COL4A2: variants seen among roughly 807,000 people sequenced by gnomAD.
COL4A2 encodes collagen type IV alpha 2 chain.
COL4A2 carries 99 observed loss-of-function variants against 200.2 expected under a neutral mutation model. The observed-to-expected ratio is 0.49, with a 90% confidence interval of 0.42 to 0.58. COL4A2 has a LOEUF of 0.58. Among genes scored for constraint, COL4A2 ranks in the 20% least tolerant of loss-of-function variants. The pLI is 0.00. For missense variants in COL4A2, 1,950 were observed against 2,314.1 expected (o/e 0.84, Z 3.23); for synonymous variants, 897 against 900.6 (o/e 1.00, Z 0.07).
intron 3 of COL4A2, among the ~76,000 whole-genome samples, chr13:110,339,446 C>A (rs1219009167): frequency 6.6e-6 from 1 of 152,102 alleles, no homozygotes; most frequent in Non-Finnish European, 1.5e-5. Context: ...GCTTCCCTGA[C>A]CTTGGAAGCC....
In COL4A2 at chr13:110,512,452, A is replaced by G; in HGVS notation, c.*261A>G. 1 of 566,882 alleles carries G rather than the reference A, an allele frequency of 1.8e-6. No individual in the cohort carries two copies. The highest frequency in any genetic ancestry group is 3.1e-6 in the Non-Finnish European group (1 of 326,680). The allele number at this position is 566,882 out of a possible 1,614,324, so 35.1% of individuals were successfully genotyped here. ...TCAGCCCTGCTAGACGCACCGCCTG[A>G]AGGCACAGCTAACCACTTCGCACAC... On this transcript the variant is annotated 3_prime_UTR_variant, in exon 48 of 48. Transcript: ENST00000360467.
At chr13:110,460,951 A>C (rs1367221006) in intron 22 of COL4A2, among the ~76,000 whole-genome samples, 1 of 152,236 alleles carries the variant, frequency 6.6e-6, no homozygotes, top group African/African-American at 2.4e-5. Context: ...GGAAACTCCC[A>C]ATTACTTTCA....
intron 4 of COL4A2, among the ~76,000 whole-genome samples, chr13:110,382,383 A>C (rs1177633584): frequency 6.6e-6 from 1 of 152,242 alleles, no homozygotes; most frequent in Non-Finnish European, 1.5e-5. Flanking sequence ...AACAATGTGC[A>C]CCCGTCTTCC....
At position 110,423,647 on chromosome 13, in the gene COL4A2, C is replaced by T. The variant is rs1880345935; in HGVS notation, c.181-1087C>T. 3.3e-5 allele frequency among the ~76,000 whole-genome samples: 5 copies of T among 152,130 alleles called. No homozygotes were observed. In the South Asian group the frequency reaches 1.0e-3, roughly 32 times the overall value. ...TTTCACGTTGTTGTGCAACCTTCAC[C>T]ACCAATCCATCTCCAGAACTTTCTC... On this transcript the variant is annotated intron_variant, in intron 4 of 47. Coordinates refer to ENST00000360467, the MANE Select transcript of COL4A2 (RefSeq NM_001846.4).
intron 39 of COL4A2, among the ~76,000 whole-genome samples, 189 bp from the exon 40 acceptor site, chr13:110,495,153 T>A (rs1449422087): frequency 6.6e-6 from 1 of 152,198 alleles, no homozygotes; most frequent in Non-Finnish European, 1.5e-5. Flanking sequence ...TCCACTGTGA[T>A]CTCTGTAAGA....
intron 16 of COL4A2, among the ~76,000 whole-genome samples, chr13:110,441,959 G>A (rs1249934441): frequency 6.6e-6 from 1 of 151,390 alleles, no homozygotes; most frequent in Non-Finnish European, 1.5e-5. Context: ...TGTGGTTCAT[G>A]CCTATAATTC....
rs1881803597 is a variant in COL4A2, at chr13:110,457,348, C to T, written c.1345C>T (p.Leu449=). The change falls in exon 21 of 48, where the codon CTG becomes TTG. Residue 449 remains leucine (L), a synonymous_variant. Coordinates refer to ENST00000360467, the MANE Select transcript of COL4A2 (RefSeq NM_001846.4). ...LPGPPGPDGF[L]FGLKGAKGRA... ...ATCTGTGGTTGTCTCTCTAGGCTTC[C>T]TGTTTGGGCTGAAAGGAGCAAAAGG... is the stretch of plus-strand genomic sequence containing the variant. 6.2e-7 allele frequency: 1 copy of T among 1,611,164 alleles called. No homozygotes were observed. Among genetic ancestry groups the T allele is most frequent in the Non-Finnish European group, 8.5e-7 (1 of 1,177,548 alleles).
chr13:110,467,605 C>G (rs1882295982), intron 27 of COL4A2, among the ~76,000 whole-genome samples: 1 of 152,262 alleles, frequency 6.6e-6, no homozygotes, highest in Admixed American at 6.5e-5. Context: ...GAGAAAGAGT[C>G]TGGGTGCCCT....
In COL4A2 at chr13:110,486,608, C is replaced by G. The variant is rs560563868; in HGVS notation, c.3207+772C>G. Among the ~76,000 whole-genome samples the G allele has an allele frequency of 8.5e-5, 13 of 152,270 alleles. No homozygotes were observed. The South Asian group carries it at 2.3e-3, about 27-fold the overall frequency. On this transcript the variant is annotated intron_variant, in intron 34 of 47. Coordinates refer to ENST00000360467, the MANE Select transcript of COL4A2 (RefSeq NM_001846.4). ...CCCCTTGATGTGTTTCAGTCGCGTC[C>G]GTGTGAAAAGACCACCAAACAGGCT...
intron 21 of COL4A2, chr13:110,457,993 C>T (rs148666785): frequency 6.2e-5 from 25 of 405,564 alleles, no homozygotes; most frequent in African/African-American, 1.4e-4. Context: ...AGCTCGAGGC[C>T]GTCCTCTGTG....
At chr13:110,445,789 C>G in intron 16 of COL4A2, 40 bp from the exon 17 acceptor site, 1 of 1,612,238 alleles carries the variant, frequency 6.2e-7, no homozygotes. Context: ...TGGAGTTATA[C>G]ATCAGAGACA....
chr13:110,501,314 A>G (rs559014494), intron 40 of COL4A2, among the ~76,000 whole-genome samples: 3 of 152,324 alleles, frequency 2.0e-5, no homozygotes, highest in South Asian at 4.1e-4. Context: ...GTCCACACAT[A>G]TCAGGATCAG....
At chr13:110,365,356 G>A (rs1310113786) in intron 4 of COL4A2, among the ~76,000 whole-genome samples, 1 of 152,142 alleles carries the variant, frequency 6.6e-6, no homozygotes, top group Non-Finnish European at 1.5e-5. Context: ...GGCCAGGATG[G>A]TCTCGAACTC....
chr13:110,430,298 G>T, intron 8 of COL4A2, 103 bp from the exon 9 acceptor site: 4 of 1,482,456 alleles, frequency 2.7e-6, no homozygotes, highest in South Asian at 2.6e-5. Context: ...TCCTGATAGG[G>T]CTGATCTGTT....
At chr13:110,341,216 C>T (rs1156847272) in intron 3 of COL4A2, among the ~76,000 whole-genome samples, 5 of 152,332 alleles carry the variant, frequency 3.3e-5, no homozygotes, top group Middle Eastern at 3.4e-3. Flanking sequence ...GTCATCGGGA[C>T]GACGGGCTTC....
chr13:110,376,271 C>T (rs551188428), intron 4 of COL4A2, among the ~76,000 whole-genome samples: 4 of 152,124 alleles, frequency 2.6e-5, no homozygotes, highest in Non-Finnish European at 4.4e-5. Context: ...TATCTCCACC[C>T]GCTTCACTGT....
chr13:110,445,496 A>C (rs967683135), intron 16 of COL4A2, among the ~76,000 whole-genome samples: 2 of 152,224 alleles, frequency 1.3e-5, no homozygotes, highest in African/African-American at 4.8e-5. Context: ...CACCACAAAG[A>C]ACATCTGCAG....
At chr13:110,323,355 G>A (rs186378335) in intron 3 of COL4A2, among the ~76,000 whole-genome samples, 35 of 152,340 alleles carry the variant, frequency 2.3e-4, no homozygotes, top group African/African-American at 7.2e-4. Context: ...GCATCCACAG[G>A]CAGTTCCTTG....
In COL4A2 at chr13:110,408,804, CAT is replaced by C. The variant is rs66769739; in HGVS notation, c.181-15922_181-15921del. 4.8e-3 allele frequency among the ~76,000 whole-genome samples: 585 copies of C among 122,416 alleles called. 3 individuals carry two copies. Among genetic ancestry groups the C allele is most frequent in the South Asian group, 5.9e-3 (23 of 3,884 alleles). 80.3% of individuals were successfully genotyped at this position (122,416 alleles called of 152,430 possible). ...TGACACGCGTACACACACACGCACA[CAT>C]ATATATACACACACACATGCACACA... On this transcript the variant is annotated intron_variant, in intron 4 of 47. Transcript: ENST00000360467.
Sources: allele counts gnomAD v4.1 joint callset (sites outside exome capture counted in the v4.1 genomes callset), GRCh38; gene constraint gnomAD v4.1.1; transcripts MANE v1.5; gene names NCBI Gene and HGNC (gene_info 2026-07-23, HGNC 2026-07-21).